Variants in RAB36 observed in about 807,000 individuals in gnomAD.
RAB36 encodes the protein RAB36, member RAS oncogene family, also known as ras-related protein Rab-36.
In RAB36, 33 loss-of-function variants were observed where a neutral mutation model predicts 39.3. The observed-to-expected ratio is 0.84, with a 90% CI of 0.64 to 1.12. The LOEUF is 1.12. Among genes scored for constraint, RAB36 ranks in the 50% most tolerant of loss-of-function variants. The probability of loss-of-function intolerance (pLI) is 0.00; values close to 1 mark genes in which losing one functional copy is unlikely to be tolerated. For synonymous variants in RAB36, 133 were observed against 140.2 expected (o/e 0.95, Z 0.36); for missense variants, 308 against 355.3 (o/e 0.87, Z 1.07).
chr22:23,145,619 C>T (rs2070719760), intron 1 of RAB36, 68 bp downstream of exon 1: 1 of 1,500,432 alleles, frequency 6.7e-7, no homozygotes, highest in Admixed American at 1.9e-5. Flanking sequence ...CATCCCGAGG[C>T]CAGGGCCGCG....
intron 9 of RAB36, among the ~76,000 whole-genome samples, chr22:23,159,546 C>CCATAACTACT (rs1181087635): frequency 1.3e-5 from 2 of 152,204 alleles, no homozygotes; most frequent in Non-Finnish European, 2.9e-5. Flanking sequence ...CCGGAGAACC[C>CCATAACTACT]CATAACTACT....
chr22:23,153,514 T>C (rs2071281443), intron 5 of RAB36: 2 of 964,780 alleles, frequency 2.1e-6, no homozygotes, highest in Non-Finnish European at 2.5e-6. Flanking sequence ...GCTCTGAGCC[T>C]CTGTTCCCAC....
chr22:23,167,578 G>C (rs1405201794), downstream of RAB36, among the ~76,000 whole-genome samples: 1 of 152,204 alleles, frequency 6.6e-6, no homozygotes, highest in East Asian at 1.9e-4. Flanking sequence ...CTCACTCTCT[G>C]GAGGGATGCA....
chr22:23,167,844 CTTCA>C (rs1480331073), downstream of RAB36, among the ~76,000 whole-genome samples: 1 of 151,822 alleles, frequency 6.6e-6, no homozygotes, highest in African/African-American at 2.4e-5. Flanking sequence ...CTGCACCTGG[CTTCA>C]TTGACTAATT....
chr22:23,156,241 C>A, intron 6 of RAB36: 1 of 524,490 alleles, frequency 1.9e-6, no homozygotes, highest in Non-Finnish European at 3.5e-6. Context: ...CCTTTAAGGA[C>A]CCTGTGGTAG....
chr22:23,157,006 G>A (rs142426388), intron 6 of RAB36, among the ~76,000 whole-genome samples: 2 of 152,246 alleles, frequency 1.3e-5, no homozygotes, highest in Admixed American at 6.5e-5. Flanking sequence ...GCCCCTGTCC[G>A]GCCCTGGTCA....
chr22:23,165,507 G>A lies in RAB36; in HGVS notation c.*3943G>A, dbSNP rs192782878. ...GAAAGTTTCAGGGCAGAACTGAACA[G>A]GTCTCGGGAAGGACACTTCATGCCA... On this transcript the variant is annotated 3_prime_UTR_variant, in exon 11 of 11. Coordinates refer to ENST00000263116, the MANE Select transcript of RAB36 (RefSeq NM_004914.5). Among the ~76,000 whole-genome samples, 214 of 152,334 alleles carry A rather than the reference G, an allele frequency of 1.4e-3. No individual in the cohort carries two copies. Among genetic ancestry groups the A allele is most frequent in the Non-Finnish European group, 2.6e-3 (174 of 68,032 alleles).
chr22:23,166,827 C>G (rs2072060589), downstream of RAB36, among the ~76,000 whole-genome samples: 4 of 152,298 alleles, frequency 2.6e-5, no homozygotes, highest in Non-Finnish European at 1.5e-5. Context: ...AACCCACTTG[C>G]AGTGGAAATT....
rs905699139 is a variant in RAB36, at chr22:23,146,775, G to A, written c.69+90G>A. ...ACACTCATGCCTAGAAGTAAAGCAG[G>A]TGAATCAAGGAGGTCTGTCCATTGT... On this transcript the variant is annotated intron_variant, in intron 2 of 10. Coordinates refer to ENST00000263116, the MANE Select transcript of RAB36 (RefSeq NM_004914.5). 3.9e-5 allele frequency: 60 copies of A among 1,522,512 alleles called. No individual in the cohort carries two copies. In the African/African-American group the frequency reaches 4.6e-4, roughly 12 times the overall value. The allele number at this position is 1,522,512 out of a possible 1,614,324, so 94.3% of individuals were successfully genotyped here.
At chr22:23,168,905 C>T (rs1438359820), downstream of RAB36, among the ~76,000 whole-genome samples, 1 of 152,174 alleles carries the variant, frequency 6.6e-6, no homozygotes, top group African/African-American at 2.4e-5. Flanking sequence ...AGGTGGTTGG[C>T]ACCCCTAGCC....
At chr22:23,165,958 A>T (rs994073784), downstream of RAB36, among the ~76,000 whole-genome samples, 3 of 152,116 alleles carry the variant, frequency 2.0e-5, no homozygotes, top group Non-Finnish European at 2.9e-5. Context: ...CATCCTGGCT[A>T]ACATGGTGAA....
In RAB36 at chr22:23,155,961, C is replaced by T; in HGVS notation, c.330-7C>T. 6.2e-7 allele frequency: 1 copy of T among 1,608,570 alleles called. No individual in the cohort carries two copies. Among genetic ancestry groups the T allele is most frequent in the Non-Finnish European group, 8.5e-7 (1 of 1,177,406 alleles). Reference sequence around the variant, plus strand: ...CCATTTCCCTTTCTTTCTCACCCACCTCACAGCTGGGACACAGCTGGGCAG... The same window carrying T: ...CCATTTCCCTTTCTTTCTCACCCACTTCACAGCTGGGACACAGCTGGGCAG... On this transcript the variant is annotated splice_region_variant and splice_polypyrimidine_tract_variant and intron_variant, in intron 5 of 10. Coordinates refer to ENST00000263116, the MANE Select transcript of RAB36 (RefSeq NM_004914.5).
chr22:23,165,097 T>C lies in RAB36; in HGVS notation c.*3533T>C, dbSNP rs2072012667. ...ACATCTGGGCTTTCTCCCCCACCCA[T>C]CTGTGGAACCCCAAGAGCCAGGACA... On this transcript the variant is annotated 3_prime_UTR_variant, in exon 11 of 11. Coordinates refer to ENST00000263116, the MANE Select transcript of RAB36 (RefSeq NM_004914.5). Among the ~76,000 whole-genome samples, 1 of 152,110 alleles carries C rather than the reference T, an allele frequency of 6.6e-6. No individual in the cohort carries two copies. The highest frequency in any genetic ancestry group is 2.4e-5 in the African/African-American group (1 of 41,394).
rs1372474077 is a variant in RAB36, at chr22:23,159,152, A to G, written c.529-11A>G. The G allele has an allele frequency of 1.2e-6, 2 of 1,610,824 alleles. No individual in the cohort carries two copies. Among genetic ancestry groups the G allele is most frequent in the African/African-American group, 1.3e-5 (1 of 75,012 alleles). ...CCGGGACGCTGGGTCAACAAGGGCC[A>G]TTTCTCCCAGTCAGGGGCCGCATGT... is the stretch of plus-strand genomic sequence containing the variant. On this transcript the variant is annotated splice_polypyrimidine_tract_variant and intron_variant, in intron 8 of 10. Transcript: ENST00000263116.
chr22:23,168,898 T>A (rs1184539712), downstream of RAB36, among the ~76,000 whole-genome samples: 1 of 152,040 alleles, frequency 6.6e-6, no homozygotes, highest in Middle Eastern at 3.2e-3. Flanking sequence ...CCCTGACAGG[T>A]GGTTGGCACC....
At chr22:23,152,992 C>A in intron 4 of RAB36, 41 bp from the exon 5 acceptor site, 2 of 1,426,504 alleles carry the variant, frequency 1.4e-6, no homozygotes, top group South Asian at 2.3e-5. Context: ...GGGCACATTT[C>A]TGTGAGTACA....
chr22:23,148,217 G>A (rs1198405571), intron 2 of RAB36, among the ~76,000 whole-genome samples: 1 of 152,144 alleles, frequency 6.6e-6, no homozygotes, highest in Non-Finnish European at 1.5e-5. Context: ...GAAAGGCTTT[G>A]TGTCTCAGAC....
chr22:23,154,259 G>A (rs2071337916), intron 5 of RAB36, among the ~76,000 whole-genome samples: 1 of 152,068 alleles, frequency 6.6e-6, no homozygotes, highest in Admixed American at 6.5e-5. Context: ...CTCTCCACTT[G>A]CCTGCTGGCA....
At position 23,161,148 on chromosome 22, in the gene RAB36, C is replaced by T; in HGVS notation, c.739+150C>T. ...CCTCCTCTCAGGGTGTCACTGCAGC[C>T]TCAGGCCTGTAGCCCCTCTGATTCC... On this transcript the variant is annotated intron_variant, in intron 10 of 10. Transcript: ENST00000263116. 6.9e-6 allele frequency: 7 copies of T among 1,008,562 alleles called. No individual in the cohort carries two copies. The South Asian group carries it at 1.0e-4, about 15-fold the overall frequency. 62.5% of individuals were successfully genotyped at this position (1,008,562 alleles called of 1,614,324 possible). A position where few individuals can be genotyped will look rare whatever the true frequency, so the allele number is the denominator to read the frequency against.
Sources: allele counts gnomAD v4.1 joint callset (sites outside exome capture counted in the v4.1 genomes callset), GRCh38; gene constraint gnomAD v4.1.1; transcripts MANE v1.5; gene names NCBI Gene and HGNC (gene_info 2026-07-23, HGNC 2026-07-21).